MFSD11: variants seen among roughly 807,000 people sequenced by gnomAD.
MFSD11 encodes the protein UNC93-like protein MFSD11.
In MFSD11, 36 loss-of-function variants were observed where a neutral mutation model predicts 53.5. The observed-to-expected ratio is 0.67, with a 90% CI of 0.52 to 0.89. The LOEUF is 0.89. Ranked by LOEUF, MFSD11 falls within the 40% of genes least tolerant of loss-of-function variation. The pLI, the probability that MFSD11 is intolerant of heterozygous loss-of-function variation, is 0.00. For missense variants in MFSD11, 530 were observed against 543.9 expected (o/e 0.97, Z 0.25); for synonymous variants, 186 against 184.9 (o/e 1.01, Z -0.05).
At position 76,775,065 on chromosome 17, in the gene MFSD11, A is replaced by G; in HGVS notation, c.943A>G (p.Ile315Val). 1 of 1,614,124 alleles carries G rather than the reference A, an allele frequency of 6.2e-7. No homozygotes were observed. The highest frequency in any genetic ancestry group is 8.5e-7 in the Non-Finnish European group (1 of 1,179,986). ...FGRNPVVLLG[I>V]LVHFIAFYLI... ...TAGAAATCCAGTTGTGCTGTTGGGCATCCTGGTGCACTTCATAGCTTTTTA... is the reference window on the plus strand; with the variant it reads ...TAGAAATCCAGTTGTGCTGTTGGGCGTCCTGGTGCACTTCATAGCTTTTTA... The change falls in exon 11 of 13, where the codon ATC (isoleucine) becomes GTC (valine). Residue 315 changes from isoleucine (I) to valine (V), a missense_variant. Ile to Val is a conservative substitution (Grantham distance 29). Coordinates refer to ENST00000685175, the MANE Select transcript of MFSD11 (RefSeq NM_001242532.5).
At position 76,744,326 on chromosome 17, in the gene MFSD11, T is replaced by A; in HGVS notation, c.501T>A (p.Ser167Arg). ...TTTCTTCTTTTTTCTCCGTAGAGAG[T>A]GACCGAAGAACAGTGTTTATTGCCC... ...AWQGKTQISESDRRTVFIALT... is the reference protein window; with the variant it reads ...AWQGKTQISERDRRTVFIALT... Residue 167 changes from serine to arginine, a missense_variant, in exon 7 of 13, where the codon AGT becomes AGA. Ser to Arg is a moderately radical substitution (Grantham distance 110, BLOSUM62 -1). Transcript: ENST00000685175. The A allele has an allele frequency of 6.2e-7, 1 of 1,608,798 alleles. No homozygotes were observed. The highest frequency in any genetic ancestry group is 1.3e-5 in the African/African-American group (1 of 74,668).
chr17:76,742,762 C>T lies in MFSD11; in HGVS notation c.437+489C>T, dbSNP rs570231406. Among the ~76,000 whole-genome samples, 4 of 152,188 alleles carry T rather than the reference C, an allele frequency of 2.6e-5. No homozygotes were observed. In the East Asian group the frequency reaches 7.7e-4, roughly 29 times the overall value. On this transcript the variant is annotated intron_variant, in intron 5 of 12. Coordinates refer to ENST00000685175, the MANE Select transcript of MFSD11 (RefSeq NM_001242532.5). ...CTTGTGATCCGCCCGCCTTGGGCTC[C>T]CAGAGTGTTGGGATTACAGGCGTGA...
chr17:76,781,228 G>A (rs949850260), downstream of MFSD11: 2 of 152,230 alleles, frequency 1.3e-5, no homozygotes, highest in African/African-American at 4.8e-5. Flanking sequence ...GCTAAGTAAG[G>A]ATCTTGGTTT....
intron 7 of MFSD11, chr17:76,745,311 T>C (rs1398260075): frequency 6.6e-6 from 1 of 152,228 alleles, no homozygotes; most frequent in Non-Finnish European, 1.5e-5. Flanking sequence ...GCAGTAAGTT[T>C]GTGTAAAGCA....
In MFSD11 at chr17:76,738,399, T is replaced by C; in HGVS notation, c.47T>C (p.Val16Ala). Residue 16 changes from valine (V) to alanine (A), a missense_variant, in exon 1 of 13, where the codon GTT (valine) becomes GCT (alanine). Physicochemically the swap from Val to Ala is moderately conservative, Grantham distance 64 (BLOSUM62 0). Transcript: ENST00000685175. Reference protein sequence around the residue: ...KKLFNIIILGVAFMFMFTAFQ... With the variant: ...KKLFNIIILGAAFMFMFTAFQ... ...CTTTTCAACATCATTATTTTAGGAGTTGCCTTTATGTTTATGTTCACTGCC... is the reference window on the plus strand; with the variant it reads ...CTTTTCAACATCATTATTTTAGGAGCTGCCTTTATGTTTATGTTCACTGCC... 6.2e-7 allele frequency: 1 copy of C among 1,614,164 alleles called. No homozygotes were observed. Among genetic ancestry groups the C allele is most frequent in the Admixed American group, 1.7e-5 (1 of 60,026 alleles).
In MFSD11 at chr17:76,772,917, T is replaced by A. The variant is rs545738004; in HGVS notation, c.875-2080T>A. Reference sequence around the variant, plus strand: ...TGGGCAGGACTGGAGCATTACTCAGTCTAGGGCTAATTATTTCCTGCTTCT... The same window carrying A: ...TGGGCAGGACTGGAGCATTACTCAGACTAGGGCTAATTATTTCCTGCTTCT... On this transcript the variant is annotated intron_variant, in intron 10 of 12. Transcript: ENST00000685175. Among the ~76,000 whole-genome samples, 18 of 152,268 alleles carry A rather than the reference T, an allele frequency of 1.2e-4. 1 individual carries two copies. The South Asian group carries it at 3.7e-3, about 32-fold the overall frequency.
At chr17:76,744,570 T>C (rs2078385387) in intron 7 of MFSD11, 104 bp downstream of exon 7, 1 of 968,820 alleles carries the variant, frequency 1.0e-6, no homozygotes, top group South Asian at 2.0e-5. Context: ...CAGTACTCTC[T>C]GTAGGTTACC....
intron 6 of MFSD11, among the ~76,000 whole-genome samples, chr17:76,744,067 C>G (rs528692338): frequency 6.6e-6 from 1 of 152,190 alleles, no homozygotes; most frequent in Non-Finnish European, 1.5e-5. Flanking sequence ...CAGTTGTTTT[C>G]TCTGGACCCT....
the MFSD11 span, among the ~76,000 whole-genome samples, chr17:76,788,089 G>A: frequency 1.3e-5 from 2 of 149,056 alleles, 1 homozygote; most frequent in Non-Finnish European, 3.0e-5. Flanking sequence ...TCACCAGGCT[G>A]GAATGCAGTG....
rs142685081 is a variant in MFSD11, at chr17:76,757,571, C to T, written c.682+3484C>T. ...TACAGAGAAGGTTCCTACATACTAT[C>T]TAAAATCACTTACTTCCCAGACTGA... On this transcript the variant is annotated intron_variant, in intron 8 of 12. Transcript: ENST00000685175. Among the ~76,000 whole-genome samples, 53 of 152,332 alleles carry T rather than the reference C, an allele frequency of 3.5e-4. 1 individual carries two copies. In the East Asian group the frequency reaches 8.7e-3, roughly 25 times the overall value.
intron 10 of MFSD11, among the ~76,000 whole-genome samples, chr17:76,770,910 A>G (rs1052526754): frequency 4.6e-5 from 7 of 152,220 alleles, no homozygotes; most frequent in African/African-American, 1.7e-4. Flanking sequence ...TTACATAGGC[A>G]TGCTTGATTA....
chr17:76,802,732 A>T, the MFSD11 span, among the ~76,000 whole-genome samples: 14 of 152,184 alleles, frequency 9.2e-5, no homozygotes, highest in Non-Finnish European at 2.1e-4. Flanking sequence ...TACAAAAATT[A>T]GCTGGGCATG....
upstream of MFSD11, chr17:76,738,115 G>T: frequency 1.9e-6 from 1 of 515,122 alleles, no homozygotes; most frequent in Non-Finnish European, 3.4e-6. Context: ...CTTCTCCGGG[G>T]GTTGTGCTCT....
chr17:76,758,190 A>G lies in MFSD11; in HGVS notation c.682+4103A>G, dbSNP rs1270946352. On this transcript the variant is annotated intron_variant, in intron 8 of 12. Transcript: ENST00000685175. ...ATAAAAGTGGGTCTTAAGCAAGGTT[A>G]GATAGCTGACTGCATAGAAAAATAA... Among the ~76,000 whole-genome samples the G allele has an allele frequency of 2.0e-5, 3 of 152,196 alleles. No individual in the cohort carries two copies. The East Asian group carries it at 5.8e-4, about 29-fold the overall frequency.
At chr17:76,764,632 TATTC>T (rs2080643555) in intron 8 of MFSD11, among the ~76,000 whole-genome samples, 1 of 152,222 alleles carries the variant, frequency 6.6e-6, no homozygotes, top group African/African-American at 2.4e-5. Flanking sequence ...ACATTTTCTT[TATTC>T]ATCCGTTTAA....
At chr17:76,749,099 C>T (rs2078812414) in intron 7 of MFSD11, among the ~76,000 whole-genome samples, 2 of 152,166 alleles carry the variant, frequency 1.3e-5, no homozygotes, top group Non-Finnish European at 2.9e-5. Context: ...ATAATTCACC[C>T]ATCTAAAGTA....
intron 7 of MFSD11, chr17:76,753,096 A>G (rs915019851): frequency 1.3e-5 from 2 of 152,102 alleles, no homozygotes; most frequent in Non-Finnish European, 2.9e-5. Context: ...ATCAGAAAGC[A>G]CATAGCAGTC....
chr17:76,739,626 A>G (rs888611824), intron 2 of MFSD11, among the ~76,000 whole-genome samples: 2 of 152,142 alleles, frequency 1.3e-5, no homozygotes, highest in Admixed American at 6.5e-5. Context: ...TGTGTACAAC[A>G]TGTTTTGAAA....
chr17:76,762,173 T>C (rs952179701), intron 8 of MFSD11, among the ~76,000 whole-genome samples: 1 of 152,166 alleles, frequency 6.6e-6, no homozygotes. Flanking sequence ...TCTATAGATA[T>C]GCTTATTCTG....
Sources: allele counts gnomAD v4.1 joint callset (sites outside exome capture counted in the v4.1 genomes callset), GRCh38; gene constraint gnomAD v4.1.1; transcripts MANE v1.5; gene names NCBI Gene and HGNC (gene_info 2026-07-23, HGNC 2026-07-21).